ANKRD44: variants seen among roughly 807,000 people sequenced by gnomAD.
ANKRD44 encodes serine/threonine-protein phosphatase 6 regulatory ankyrin repeat subunit B.
In ANKRD44, 35 loss-of-function variants were observed where a neutral mutation model predicts 116.0. That is an observed-to-expected ratio of 0.30 (90% CI 0.23 to 0.40). The LOEUF (loss-of-function observed/expected upper bound fraction) is 0.40, where lower values mean the gene tolerates loss of function less well. Among genes scored for constraint, ANKRD44 ranks in the 10% least tolerant of loss-of-function variants. The pLI, the probability that ANKRD44 is intolerant of heterozygous loss-of-function variation, is 1.00. For missense variants in ANKRD44, 1,014 were observed against 1,242.6 expected (o/e 0.82, Z 2.77); for synonymous variants, 435 against 461.8 (o/e 0.94, Z 0.74).
At chr2:197,070,395 T>G (rs757557142) in intron 16 of ANKRD44, among the ~76,000 whole-genome samples, 4 of 152,126 alleles carry the variant, frequency 2.6e-5, no homozygotes, top group Non-Finnish European at 5.9e-5. Flanking sequence ...TTCCCCTCTA[T>G]CTAATATTTC....
At chr2:197,199,238 C>T (rs760713197) in intron 1 of ANKRD44, 1 of 152,128 alleles carries the variant, frequency 6.6e-6, no homozygotes, top group African/African-American at 2.4e-5. Context: ...CTTTACGTAA[C>T]GAGCTGAAAG....
chr2:197,281,406 C>A (rs1246323988), intron 1 of ANKRD44, among the ~76,000 whole-genome samples: 1 of 152,098 alleles, frequency 6.6e-6, no homozygotes, highest in African/African-American at 2.4e-5. Context: ...AAACAACATC[C>A]CAGACCTTTT....
chr2:197,142,588 C>T (rs905656501), intron 3 of ANKRD44, among the ~76,000 whole-genome samples: 3 of 152,134 alleles, frequency 2.0e-5, no homozygotes, highest in Admixed American at 1.3e-4. Context: ...GGCCAATTTA[C>T]ACACCCACCA....
intron 8 of ANKRD44, among the ~76,000 whole-genome samples, chr2:197,119,410 A>G (rs2078800225): frequency 6.6e-6 from 1 of 152,088 alleles, no homozygotes; most frequent in Non-Finnish European, 1.5e-5. Flanking sequence ...CTGTCATACA[A>G]TTAAAAATAA....
At position 197,174,702 on chromosome 2, in the gene ANKRD44, C is replaced by A. The variant is rs144649126; in HGVS notation, c.111+12321G>T. On this transcript the variant is annotated intron_variant, in intron 2 of 27. Coordinates refer to ENST00000282272, the MANE Select transcript of ANKRD44 (RefSeq NM_001195144.2). ...ATGCGTTCCTAGCCAGTGCTGGCAC[C>A]ACTGTAGGTGCAGGTGACTCAACCA... Among the ~76,000 whole-genome samples, 3 of 152,298 alleles carry A rather than the reference C, an allele frequency of 2.0e-5. No individual in the cohort carries two copies. The East Asian group carries it at 5.8e-4, about 29-fold the overall frequency.
At chr2:197,229,212 T>C (rs2081797103) in intron 1 of ANKRD44, among the ~76,000 whole-genome samples, 1 of 152,228 alleles carries the variant, frequency 6.6e-6, no homozygotes, top group Admixed American at 6.5e-5. Context: ...CACATGCAAA[T>C]ATAATATGAA....
At chr2:197,104,997 G>T (rs1574464804) in intron 9 of ANKRD44, among the ~76,000 whole-genome samples, 1 of 152,254 alleles carries the variant, frequency 6.6e-6, no homozygotes, top group East Asian at 1.9e-4. Context: ...TTACGAAAAG[G>T]GAATCCCTTT....
intron 16 of ANKRD44, chr2:197,030,225 A>G (rs1315508246): frequency 6.6e-6 from 1 of 152,350 alleles, no homozygotes; most frequent in Non-Finnish European, 1.5e-5. Flanking sequence ...GATATTGTGA[A>G]CTTTGTTCAC....
intron 19 of ANKRD44, among the ~76,000 whole-genome samples, chr2:197,008,409 A>T (rs1191383883): frequency 6.6e-6 from 1 of 152,204 alleles, no homozygotes; most frequent in African/African-American, 2.4e-5. Context: ...GGGAGGTGAG[A>T]TTCTGACTAT....
At chr2:196,976,347 T>G (rs567141225) in intron 21 of ANKRD44, among the ~76,000 whole-genome samples, 128 of 152,130 alleles carry the variant, frequency 8.4e-4, no homozygotes, top group Non-Finnish European at 1.5e-3. Flanking sequence ...CAAAATTATA[T>G]TTAATAGTGG....
chr2:197,099,792 C>T, intron 10 of ANKRD44, 24 bp downstream of exon 10: 1 of 1,612,892 alleles, frequency 6.2e-7, no homozygotes, highest in Non-Finnish European at 8.5e-7. Context: ...GCAATTATTC[C>T]ACCGTATTTT....
At chr2:197,205,750 G>A (rs181164526) in intron 1 of ANKRD44, among the ~76,000 whole-genome samples, 13 of 152,298 alleles carry the variant, frequency 8.5e-5, no homozygotes, top group South Asian at 6.2e-4. Context: ...GTGACATCAC[G>A]GTGGAAGCAA....
chr2:197,207,288 T>C (rs1466360207), intron 1 of ANKRD44, among the ~76,000 whole-genome samples: 2 of 152,200 alleles, frequency 1.3e-5, no homozygotes, highest in Non-Finnish European at 1.5e-5. Context: ...AGTTCACCAA[T>C]GAGGCCAGGA....
chr2:197,291,304 G>A (rs2083563643), intron 1 of ANKRD44, among the ~76,000 whole-genome samples: 1 of 152,172 alleles, frequency 6.6e-6, no homozygotes, highest in African/African-American at 2.4e-5. Context: ...GAGGTCAGCA[G>A]TTCAAGACCA....
intron 16 of ANKRD44, chr2:197,077,685 A>C (rs1035156519): frequency 6.6e-6 from 1 of 152,220 alleles, no homozygotes; most frequent in Non-Finnish European, 1.5e-5. Flanking sequence ...ATCCTGTGTT[A>C]CAAACGGCTG....
chr2:197,250,633 A>T (rs138956031), intron 1 of ANKRD44, among the ~76,000 whole-genome samples: 1,689 of 152,326 alleles, frequency 0.011, 34 homozygotes, highest in African/African-American at 0.037. Context: ...GCACCTTACT[A>T]TACACCTTAT....
At chr2:196,993,846 G>A (rs1165212980) in intron 26 of ANKRD44, among the ~76,000 whole-genome samples, 172 bp from the exon 27 acceptor site, 1 of 152,164 alleles carries the variant, frequency 6.6e-6, no homozygotes, top group Non-Finnish European at 1.5e-5. Flanking sequence ...GGTGCTAATG[G>A]TCCAACTGTT....
chr2:197,253,991 G>A (rs76453005), intron 1 of ANKRD44, among the ~76,000 whole-genome samples: 3,707 of 152,240 alleles, frequency 0.024, 131 homozygotes, highest in African/African-American at 0.082. Flanking sequence ...CACCCACAAT[G>A]GGAGTATTCT....
At chr2:197,294,583 C>T (rs368633810) in intron 1 of ANKRD44, among the ~76,000 whole-genome samples, 3 of 152,248 alleles carry the variant, frequency 2.0e-5, no homozygotes, top group East Asian at 1.9e-4. Flanking sequence ...TGTCTCTCTG[C>T]ACCACCCCTC....
Sources: gnomAD v4.1 joint callset for allele counts (sites outside exome capture counted in the v4.1 genomes callset) on GRCh38, gnomAD v4.1.1 for gene constraint, MANE v1.5 for transcripts, NCBI Gene and HGNC (gene_info 2026-07-23, HGNC 2026-07-21) for gene names.